SUCLG2: variants seen among roughly 807,000 people sequenced by gnomAD.
The protein encoded by SUCLG2 is succinate-CoA ligase GDP-forming subunit beta, also known as succinate--CoA ligase [GDP-forming] subunit beta, mitochondrial.
In SUCLG2, 42 loss-of-function variants were observed where a neutral mutation model predicts 47.9. That is an observed-to-expected ratio of 0.88 (90% CI 0.69 to 1.14). The LOEUF is 1.14. Among genes scored for constraint, SUCLG2 ranks in the 50% most tolerant of loss-of-function variants. The probability of loss-of-function intolerance (pLI) is 0.00; values close to 1 mark genes in which losing one functional copy is unlikely to be tolerated. For synonymous variants in SUCLG2, 195 were observed against 197.3 expected, an observed-to-expected ratio of 0.99 and a Z score of 0.10; for missense variants, 571 against 525.9, an observed-to-expected ratio of 1.09 and a Z score of -0.84.
chr3:67,595,449 G>A (rs967865285), intron 2 of SUCLG2, among the ~76,000 whole-genome samples: 4 of 152,144 alleles, frequency 2.6e-5, no homozygotes, highest in African/African-American at 9.7e-5. Flanking sequence ...AGCAGGAAAG[G>A]AGTGCCAGGG....
intron 2 of SUCLG2, among the ~76,000 whole-genome samples, chr3:67,572,058 C>G (rs1707627482): frequency 6.6e-6 from 1 of 152,230 alleles, no homozygotes; most frequent in Non-Finnish European, 1.5e-5. Flanking sequence ...TGAAATGCAA[C>G]TGCCAGGTAG....
intron 9 of SUCLG2, among the ~76,000 whole-genome samples, chr3:67,444,044 C>T (rs1480081487): frequency 9.7e-4 from 117 of 120,232 alleles, no homozygotes; most frequent in African/African-American, 3.1e-3. Flanking sequence ...CCAGCCGCCC[C>T]GTCCGGGAGG....
At chr3:67,384,356 T>C (rs1559640064) in intron 10 of SUCLG2, among the ~76,000 whole-genome samples, 3 of 152,226 alleles carry the variant, frequency 2.0e-5, no homozygotes. Context: ...CTGCAAGCTA[T>C]AGCTCACGGA....
At chr3:67,396,804 T>C (rs1384659258) in intron 10 of SUCLG2, among the ~76,000 whole-genome samples, 4 of 152,140 alleles carry the variant, frequency 2.6e-5, no homozygotes, top group Non-Finnish European at 4.4e-5. Flanking sequence ...TCTAGCAGCA[T>C]ATCAAAAAGC....
At chr3:67,405,622 AG>A (rs1702786380) in intron 9 of SUCLG2, among the ~76,000 whole-genome samples, 3 of 152,302 alleles carry the variant, frequency 2.0e-5, no homozygotes, top group East Asian at 3.9e-4. Flanking sequence ...CATTCAGGAT[AG>A]GGCTATGAGT....
Position 67,486,136 on chromosome 3 carries a change from G to A in SUCLG2, c.1062+9662C>T, listed in dbSNP as rs139054842. Among the ~76,000 whole-genome samples the A allele has an allele frequency of 2.3e-4, 35 of 152,172 alleles. No homozygotes were observed. In the East Asian group the frequency reaches 6.4e-3, roughly 28 times the overall value. ...TTCAATTAGCCAGGTGCAGTGTCAT[G>A]CACCTGTAGTCCTAGCAACTCAGGA... On this transcript the variant is annotated intron_variant, in intron 9 of 10. Coordinates refer to ENST00000307227, the MANE Select transcript of SUCLG2 (RefSeq NM_003848.4).
chr3:67,654,602 CG>C lies in SUCLG2; in HGVS notation c.-17del. The C allele has an allele frequency of 7.9e-7, 1 of 1,266,636 alleles. No individual in the cohort carries two copies. The highest frequency in any genetic ancestry group is 1.0e-6 in the Non-Finnish European group (1 of 1,004,176). 78.5% of individuals were successfully genotyped at this position (1,266,636 alleles called of 1,614,324 possible). On this transcript the variant is annotated 5_prime_UTR_variant, in exon 1 of 11. Transcript: ENST00000307227. ...GGGACGCCATCTTAAACAGGAAACTCGGCACGGGGCAGTAGGGCGGGCGCGG... is the reference window on the plus strand; with the variant it reads ...GGGACGCCATCTTAAACAGGAAACTCGCACGGGGCAGTAGGGCGGGCGCGG...
intron 9 of SUCLG2, among the ~76,000 whole-genome samples, chr3:67,433,738 A>G (rs1490767558): frequency 1.3e-5 from 2 of 152,086 alleles, no homozygotes; most frequent in South Asian, 2.1e-4. Flanking sequence ...GGTGAATTAA[A>G]TTTAAGGTGT....
At chr3:67,530,637 A>G (rs1045843630) in intron 2 of SUCLG2, among the ~76,000 whole-genome samples, 1 of 152,240 alleles carries the variant, frequency 6.6e-6, no homozygotes, top group African/African-American at 2.4e-5. Context: ...AGGCTCCTTC[A>G]CTGCCTTCAT....
At chr3:67,370,493 T>C (rs1559634305), downstream of SUCLG2, among the ~76,000 whole-genome samples, 4 of 152,192 alleles carry the variant, frequency 2.6e-5, no homozygotes, top group Admixed American at 2.6e-4. Context: ...TGAAGAGTGA[T>C]AAATAAAACC....
chr3:67,466,533 G>A (rs958430279), intron 9 of SUCLG2, among the ~76,000 whole-genome samples: 1 of 152,140 alleles, frequency 6.6e-6, no homozygotes, highest in Admixed American at 6.5e-5. Flanking sequence ...TAAACTTAGT[G>A]TATCCCCTGT....
intron 9 of SUCLG2, among the ~76,000 whole-genome samples, chr3:67,491,998 C>T (rs1705219500): frequency 1.3e-5 from 2 of 152,162 alleles, no homozygotes; most frequent in South Asian, 4.2e-4. Flanking sequence ...CCCAGGCAGT[C>T]TGGCATAAGA....
intron 9 of SUCLG2, 91 bp from the exon 10 acceptor site, chr3:67,400,942 AG>A: frequency 6.4e-7 from 1 of 1,551,528 alleles, no homozygotes; most frequent in South Asian, 1.2e-5. Flanking sequence ...AATTAAAATA[AG>A]ACTGCTCGTT....
At chr3:67,371,305 T>C (rs1701949378), downstream of SUCLG2, among the ~76,000 whole-genome samples, 1 of 152,218 alleles carries the variant, frequency 6.6e-6, no homozygotes, top group Non-Finnish European at 1.5e-5. Flanking sequence ...ATAAGGTGCC[T>C]AGGAATTGCT....
exon 11 of SUCLG2, chr3:67,360,573 T>C (rs900777537): frequency 1.3e-5 from 19 of 1,434,922 alleles, no homozygotes; most frequent in Admixed American, 2.6e-5. Context: ...AATTTTGTGA[T>C]GATATTCATT....
At chr3:67,510,220 T>C (rs1338516347) in intron 6 of SUCLG2, among the ~76,000 whole-genome samples, 2 of 152,230 alleles carry the variant, frequency 1.3e-5, no homozygotes, top group African/African-American at 4.8e-5. Context: ...AAATCCCCAC[T>C]GGTGTAAATA....
intron 2 of SUCLG2, among the ~76,000 whole-genome samples, chr3:67,536,918 T>G (rs890665494): frequency 1.5e-4 from 23 of 152,148 alleles, no homozygotes; most frequent in Admixed American, 7.9e-4. Flanking sequence ...GTAGTTATAA[T>G]AGTGAAAAAA....
chr3:67,422,692 T>C (rs905913946), intron 9 of SUCLG2, among the ~76,000 whole-genome samples: 7 of 152,010 alleles, frequency 4.6e-5, no homozygotes, highest in African/African-American at 1.4e-4. Flanking sequence ...GAACATCTTA[T>C]AAACCATAAA....
chr3:67,599,301 C>T lies in SUCLG2; in HGVS notation c.226+10154G>A, dbSNP rs755910594. ...ATGAAAGAAAGAATTTGGACGAAGGCAGGAAGGAAACTGATGTGGCCACAC... is the reference window on the plus strand; with the variant it reads ...ATGAAAGAAAGAATTTGGACGAAGGTAGGAAGGAAACTGATGTGGCCACAC... On this transcript the variant is annotated intron_variant, in intron 2 of 10. Coordinates refer to ENST00000307227, the MANE Select transcript of SUCLG2 (RefSeq NM_003848.4). 2.7e-4 allele frequency among the ~76,000 whole-genome samples: 41 copies of T among 152,130 alleles called. 1 individual carries two copies. Among genetic ancestry groups the T allele is most frequent in the Admixed American group, 3.3e-4 (5 of 15,270 alleles).
Sources: gnomAD v4.1 joint callset for allele counts (sites outside exome capture counted in the v4.1 genomes callset) on GRCh38, gnomAD v4.1.1 for gene constraint, MANE v1.5 for transcripts, NCBI Gene and HGNC (gene_info 2026-07-23, HGNC 2026-07-21) for gene names.